GPR179: variants seen among roughly 807,000 people sequenced by gnomAD.
The protein encoded by GPR179 is G protein-coupled receptor 179, also known as probable G protein-coupled receptor 179.
Under a neutral mutation model 70.8 loss-of-function variants are expected in GPR179, and 52 were observed. The observed-to-expected ratio is 0.73, with a 90% CI of 0.59 to 0.93. The LOEUF (loss-of-function observed/expected upper bound fraction) is 0.93. Among genes scored for constraint, GPR179 ranks in the 40% least tolerant of loss-of-function variants. The pLI, the probability that GPR179 is intolerant of heterozygous loss-of-function variation, is 0.00. For synonymous variants in GPR179, 1,123 were observed against 1,169.0 expected (o/e 0.96, Z 0.80); for missense variants, 2,734 against 2,966.8 (o/e 0.92, Z 1.82).
At chr17:38,333,421 GA>G in intron 9 of GPR179, 24 bp from the exon 10 acceptor site, 1 of 1,607,748 alleles carries the variant, frequency 6.2e-7, no homozygotes, top group Non-Finnish European at 8.5e-7. Context: ...ATAAGAGTGG[GA>G]AAAAGACTCG....
Position 38,328,695 on chromosome 17 carries a change from C to T in GPR179, c.4874G>A (p.Gly1625Glu). Residue 1625 changes from glycine (G) to glutamate (E), a missense_variant, in exon 11 of 11, where the codon GGA becomes GAA. Transcript: ENST00000616987. ...TGTGACATCTTCGATTTCCGATTTT[C>T]CAGGCATTTTCTCCTTGTCCTTTTG... ...ESQKDKEKMPGKSEIEDVTAW... is the reference protein window; with the variant it reads ...ESQKDKEKMPEKSEIEDVTAW... 1 of 1,614,090 alleles carries T rather than the reference C, an allele frequency of 6.2e-7. No homozygotes were observed. The highest frequency in any genetic ancestry group is 8.5e-7 in the Non-Finnish European group (1 of 1,180,012).
At position 38,330,954 on chromosome 17, in the gene GPR179, C is replaced by T. The variant is rs370156919; in HGVS notation, c.2615G>A (p.Arg872Gln). Reference protein sequence around the residue: ...TYRQAKEREERKKAKAAMASL... With the variant: ...TYRQAKEREEQKKAKAAMASL... ...GGCCATGGCTGCCTTGGCCTTCTTCCGCTCCTCCCGCTCCTTTGCTTGCCG... is the reference window on the plus strand; with the variant it reads ...GGCCATGGCTGCCTTGGCCTTCTTCTGCTCCTCCCGCTCCTTTGCTTGCCG... Residue 872 changes from arginine (R) to glutamine (Q), a missense_variant, in exon 11 of 11, where the codon CGG (arginine) becomes CAG (glutamine). Transcript: ENST00000616987. 82 of 1,610,788 alleles carry T rather than the reference C, an allele frequency of 5.1e-5. No homozygotes were observed. The highest frequency in any genetic ancestry group is 6.7e-5 in the Admixed American group (4 of 59,712).
chr17:38,330,085 T>C lies in GPR179; in HGVS notation c.3484A>G (p.Ser1162Gly). The change falls in exon 11 of 11, where the codon AGC becomes GGC. Residue 1162 changes from serine to glycine, a missense_variant. Transcript: ENST00000616987. Reference protein sequence around the residue: ...SLQNQQNAHTSRMLQVCQREG... With the variant: ...SLQNQQNAHTGRMLQVCQREG... Reference sequence around the variant, plus strand: ...CGTTGACAGACTTGGAGCATCCTGCTGGTGTGAGCGTTCTGTTGGTTCTGG... The same window carrying C: ...CGTTGACAGACTTGGAGCATCCTGCCGGTGTGAGCGTTCTGTTGGTTCTGG... 1 of 1,613,874 alleles carries C rather than the reference T, an allele frequency of 6.2e-7. No individual in the cohort carries two copies. The highest frequency in any genetic ancestry group is 8.5e-7 in the Non-Finnish European group (1 of 1,179,846).
At chr17:38,332,896 T>G (rs1323196200) in intron 10 of GPR179, among the ~76,000 whole-genome samples, 1 of 152,252 alleles carries the variant, frequency 6.6e-6, no homozygotes, top group Admixed American at 6.5e-5. Context: ...CATGAACCAC[T>G]GTGCCCAGCC....
At chr17:38,341,413 C>T (rs1393519813) in intron 1 of GPR179, among the ~76,000 whole-genome samples, 1 of 152,216 alleles carries the variant, frequency 6.6e-6, no homozygotes, top group African/African-American at 2.4e-5. Context: ...CTGCCCAAGC[C>T]AGGTCTGAAT....
Position 38,338,304 on chromosome 17 carries a change from C to T in GPR179, c.904-584G>A, listed in dbSNP as rs552328444. Among the ~76,000 whole-genome samples the T allele has an allele frequency of 9.0e-4, 137 of 152,274 alleles. 1 individual carries two copies. The highest frequency in any genetic ancestry group is 1.5e-3 in the East Asian group (8 of 5,184). On this transcript the variant is annotated intron_variant, in intron 2 of 10. Coordinates refer to ENST00000616987, the MANE Select transcript of GPR179 (RefSeq NM_001004334.4). Reference sequence around the variant, plus strand: ...CCACCTCCTCCTATTGATGTTTGCCCGGCAGGGGACAGAGCAGACCTCAGA... The same window carrying T: ...CCACCTCCTCCTATTGATGTTTGCCTGGCAGGGGACAGAGCAGACCTCAGA...
Position 38,335,216 on chromosome 17 carries a change from C to A in GPR179, c.1462G>T (p.Gly488Trp). 3.9e-6 allele frequency: 6 copies of A among 1,554,852 alleles called. No individual in the cohort carries two copies. The highest frequency in any genetic ancestry group is 5.2e-6 in the Non-Finnish European group (6 of 1,149,280). Reference sequence around the variant, plus strand: ...AGCCCCAGGTGCCGCAGCAGCCGCCCGCTGCTCAGAAGGGCACTCCGCTGG... The same window carrying A: ...AGCCCCAGGTGCCGCAGCAGCCGCCAGCTGCTCAGAAGGGCACTCCGCTGG... ...TAQRSALLSS[G>W]RLLRHLGLLL... is the part of the protein sequence containing the mutation. The change falls in exon 7 of 11, where the codon GGG (glycine) becomes TGG (tryptophan). Residue 488 changes from glycine to tryptophan, a missense_variant. Gly to Trp is a radical substitution (Grantham distance 184, BLOSUM62 -2). Transcript: ENST00000616987.
In GPR179 at chr17:38,334,960, C is replaced by A; in HGVS notation, c.1645+73G>T. 6.3e-7 allele frequency: 1 copy of A among 1,586,198 alleles called. No individual in the cohort carries two copies. Among genetic ancestry groups the A allele is most frequent in the Non-Finnish European group, 8.6e-7 (1 of 1,159,586 alleles). ...GGGGTCTGGGGACAAGTCAGGAGAA[C>A]CAGAACAAGAGGAACCCTGGAGGCA... On this transcript the variant is annotated intron_variant, in intron 7 of 10. Transcript: ENST00000616987. The surrounding 1 kb of genome is among the most constrained non-coding windows in gnomAD (Gnocchi z 4.7).
In GPR179 at chr17:38,329,297, CAA is replaced by C; in HGVS notation, c.4270_4271del (p.Leu1424GlyfsTer37). The C allele has an allele frequency of 6.2e-7, 1 of 1,612,826 alleles. No individual in the cohort carries two copies. The highest frequency in any genetic ancestry group is 8.5e-7 in the Non-Finnish European group (1 of 1,179,470). On this transcript the variant is annotated frameshift_variant, in exon 11 of 11. Transcript: ENST00000616987. LOFTEE classifies it low-confidence loss of function (END_TRUNC). ...TACTCTCCCATGGACAAAGAGACTCCAAGTCTCCTCCCGGTTTCTGTTCTTTC... is the reference window on the plus strand; with the variant it reads ...TACTCTCCCATGGACAAAGAGACTCCGTCTCCTCCCGGTTTCTGTTCTTTC... ...FWKEQKPGGD[L>X]ESLCPWESTD...
In GPR179 at chr17:38,328,796, T is replaced by G. The variant is rs1300268804; in HGVS notation, c.4773A>C (p.Glu1591Asp). 4 of 1,607,050 alleles carry G rather than the reference T, an allele frequency of 2.5e-6. No homozygotes were observed. The South Asian group carries it at 4.4e-5, about 18-fold the overall frequency. ...TTTCATTTACCTCCCAGGGACAGAT[T>G]TCTGTTTTGGCAGGTGTTGCTTCCT... Reference protein sequence around the residue: ...EAQEATPAKTEICPWEVNERT... With the variant: ...EAQEATPAKTDICPWEVNERT... Residue 1591 changes from glutamate (E) to aspartate (D), a missense_variant, in exon 11 of 11, where the codon GAA becomes GAC. Glu to Asp is a conservative substitution (Grantham distance 45, BLOSUM62 2). Transcript: ENST00000616987.
chr17:38,337,784 T>C, intron 2 of GPR179, 64 bp from the exon 3 acceptor site: 2 of 1,402,560 alleles, frequency 1.4e-6, no homozygotes, highest in Non-Finnish European at 2.0e-6. Context: ...CTTTCCCTCC[T>C]GGGAGAGATG....
rs577578718 is a variant in GPR179, at chr17:38,327,165, G to T, written c.6404C>A (p.Ala2135Glu). 3 of 1,614,108 alleles carry T rather than the reference G, an allele frequency of 1.9e-6. No homozygotes were observed. The highest frequency in any genetic ancestry group is 2.5e-6 in the Non-Finnish European group (3 of 1,180,022). The stretch of plus-strand genomic sequence containing the variant: ...CCCTTCCTCTGCTGCTCCTCCACCC[G>T]CCTCCCAAGGGCAGATCTCTGCTTT... The part of the protein sequence containing the change: ...AKKAEICPWE[A>E]GGGAAEEGEQ... The change falls in exon 11 of 11, where the codon GCG (alanine) becomes GAG (glutamate). Residue 2135 changes from alanine to glutamate, a missense_variant. Transcript: ENST00000616987.
Position 38,324,906 on chromosome 17 carries a change from C to T in GPR179, c.*1559G>A, listed in dbSNP as rs945498933. 6.6e-5 allele frequency among the ~76,000 whole-genome samples: 10 copies of T among 152,202 alleles called. No homozygotes were observed. Among genetic ancestry groups the T allele is most frequent in the African/African-American group, 2.2e-4 (9 of 41,452 alleles). On this transcript the variant is annotated 3_prime_UTR_variant, in exon 11 of 11. Coordinates refer to ENST00000616987, the MANE Select transcript of GPR179 (RefSeq NM_001004334.4). ...CTTTTTTACTTTCTCTGTGAAGTCCCATAACCGCCCAGCATATTTACATGC... is the reference window on the plus strand; with the variant it reads ...CTTTTTTACTTTCTCTGTGAAGTCCTATAACCGCCCAGCATATTTACATGC...
At chr17:38,333,892 G>A in intron 9 of GPR179, 41 bp downstream of exon 9, 3 of 1,479,456 alleles carry the variant, frequency 2.0e-6, no homozygotes, top group Non-Finnish European at 2.8e-6. Context: ...CCTGACAGAG[G>A]GGCTGGGGTC....
rs1264253483 is a variant in GPR179, at chr17:38,328,878, T to C, written c.4691A>G (p.Asn1564Ser). ...CACCTGCGTTGCTCTGCTTCCTCCA[T>C]TGCATAGGAATTGGCTACCAGCTTT... ...SSKAGSQFLCNGGSRATQVCP... is the reference protein window; with the variant it reads ...SSKAGSQFLCSGGSRATQVCP... Residue 1564 changes from asparagine to serine, a missense_variant, in exon 11 of 11, where the codon AAT becomes AGT. Coordinates refer to ENST00000616987, the MANE Select transcript of GPR179 (RefSeq NM_001004334.4). 2 of 1,614,006 alleles carry C rather than the reference T, an allele frequency of 1.2e-6. No homozygotes were observed. Among genetic ancestry groups the C allele is most frequent in the East Asian group, 4.5e-5 (2 of 44,864 alleles).
In GPR179 at chr17:38,343,066, G is replaced by A. The variant is rs767509745; in HGVS notation, c.724C>T (p.Arg242Ter). 1.2e-5 allele frequency: 19 copies of A among 1,614,080 alleles called. No individual in the cohort carries two copies. The highest frequency in any genetic ancestry group is 9.3e-5 in the African/African-American group (7 of 75,052). ...GAGAGTGTGATCAGCCATCCAGGTC[G>A]GAGCCGTCCCTCCTGGCATTCCAGG... ...PFLECQEGRL[R>*]PGWLITLSAT... The change falls in exon 1 of 11, where the codon CGA becomes TGA. Residue 242 changes from arginine to a stop codon, truncating the protein, a stop_gained. Transcript: ENST00000616987. LOFTEE classifies it high-confidence loss of function. This position sits in a 1 kb window ranked among gnomAD's most constrained non-coding sequence, Gnocchi z 4.2.
chr17:38,334,734 A>G lies in GPR179; in HGVS notation c.1754T>C (p.Leu585Pro). Residue 585 changes from leucine (L) to proline (P), a missense_variant, in exon 8 of 11, where the codon CTA (leucine) becomes CCA (proline). By Grantham distance (98) the Leu-to-Pro change is moderately conservative. Transcript: ENST00000616987. The surrounding 1 kb of genome is among the most constrained non-coding windows in gnomAD (Gnocchi z 4.7). The stretch of plus-strand genomic sequence containing the variant: ...TGTGTGGAAGGCAGCGGAAAGCAGT[A>G]GCTCATTGTGCAGGGCGATGCCCAT... The part of the protein sequence containing the change: ...RYMGIALHNE[L>P]LLSAAFHTAR... 3.1e-6 allele frequency: 5 copies of G among 1,613,872 alleles called. No homozygotes were observed. Among genetic ancestry groups the G allele is most frequent in the Non-Finnish European group, 4.2e-6 (5 of 1,179,988 alleles).
In GPR179 at chr17:38,337,033, C is replaced by G; in HGVS notation, c.1172G>C (p.Cys391Ser). 1.9e-6 allele frequency: 3 copies of G among 1,608,850 alleles called. No individual in the cohort carries two copies. The highest frequency in any genetic ancestry group is 2.5e-6 in the Non-Finnish European group (3 of 1,178,492). ...RAAVLACQAC[C>S]MLAIFLSMLV... The stretch of plus-strand genomic sequence containing the variant: ...CATGCTCAGGAAGATGGCCAGCATG[C>G]AGCAGGCCTGGCAGGCCAGCACAGC... Residue 391 changes from cysteine (C) to serine (S), a missense_variant, in exon 4 of 11, where the codon TGC becomes TCC. Cys to Ser is a moderately radical substitution (Grantham distance 112, BLOSUM62 -1). Transcript: ENST00000616987.
intron 2 of GPR179, among the ~76,000 whole-genome samples, chr17:38,338,270 G>A (rs775961231): frequency 7.2e-5 from 11 of 152,368 alleles, no homozygotes; most frequent in Middle Eastern, 3.4e-3. Flanking sequence ...GCCAAGGCCA[G>A]CCTTTATTCC....
Sources: gnomAD v4.1 joint callset for allele counts (sites outside exome capture counted in the v4.1 genomes callset) on GRCh38, gnomAD v4.1.1 for gene constraint, Gnocchi (gnomAD v3.1) non-coding constraint, MANE v1.5 for transcripts, NCBI Gene and HGNC (gene_info 2026-07-23, HGNC 2026-07-21) for gene names.